The following CCSER1 variants were observed in gnomAD, a reference collection of about 807,000 sequenced individuals.
The protein encoded by CCSER1 is serine-rich coiled-coil domain-containing protein 1.
In CCSER1, 41 loss-of-function variants were observed where a neutral mutation model predicts 82.0. That is an observed-to-expected ratio of 0.50 (90% CI 0.39 to 0.65). The LOEUF (loss-of-function observed/expected upper bound fraction) is 0.65, where lower values mean the gene tolerates loss of function less well. CCSER1 is among the 30% of genes least tolerant of loss of function. The probability of loss-of-function intolerance (pLI) is 0.00; values close to 1 mark genes in which losing one functional copy is unlikely to be tolerated. For missense variants in CCSER1, 1,119 were observed against 1,064.2 expected (o/e 1.05, Z -0.72); for synonymous variants, 414 against 383.9 (o/e 1.08, Z -0.92).
chr4:90,208,816 G>A (rs552246815), intron 1 of CCSER1, among the ~76,000 whole-genome samples: 10 of 151,884 alleles, frequency 6.6e-5, no homozygotes, highest in East Asian at 1.9e-4. Context: ...GCTTCAGCTC[G>A]CCCTCCGTGG....
intron 6 of CCSER1, among the ~76,000 whole-genome samples, chr4:90,716,330 C>A (rs143335292): frequency 0.015 from 2,262 of 151,664 alleles, 59 homozygotes; most frequent in African/African-American, 0.052. Context: ...CTTTTATATC[C>A]AGGCATTTTT....
intron 10 of CCSER1, among the ~76,000 whole-genome samples, chr4:91,432,192 G>C (rs1358163129): frequency 6.6e-6 from 1 of 151,960 alleles, no homozygotes; most frequent in Non-Finnish European, 1.5e-5. Context: ...AGTTTCCTGA[G>C]GCCTCCCTAG....
intron 10 of CCSER1, among the ~76,000 whole-genome samples, chr4:91,548,069 G>A (rs1453794579): frequency 2.0e-5 from 3 of 152,112 alleles, no homozygotes; most frequent in African/African-American, 7.2e-5. Context: ...GATTACAGGC[G>A]TGAGCCACTG....
chr4:91,496,206 A>T (rs2110080073), intron 10 of CCSER1, among the ~76,000 whole-genome samples: 1 of 151,606 alleles, frequency 6.6e-6, no homozygotes, highest in South Asian at 2.1e-4. Context: ...GAGATGAAAC[A>T]AAATACAGTA....
chr4:91,172,949 C>T (rs577477405), intron 10 of CCSER1, among the ~76,000 whole-genome samples: 4 of 152,076 alleles, frequency 2.6e-5, no homozygotes, highest in Admixed American at 6.5e-5. Context: ...ATCTTTAAAT[C>T]TCCAGAATGC....
chr4:90,255,712 G>A (rs1723157313), intron 1 of CCSER1, among the ~76,000 whole-genome samples: 1 of 152,066 alleles, frequency 6.6e-6, no homozygotes, highest in Non-Finnish European at 1.5e-5. Flanking sequence ...TATAGTTGTT[G>A]CAATCATCCA....
intron 1 of CCSER1, among the ~76,000 whole-genome samples, chr4:90,252,251 C>A (rs1722530365): frequency 6.6e-6 from 1 of 151,878 alleles, no homozygotes. Flanking sequence ...TGCATAAAAA[C>A]TTTCAGATTC....
At chr4:91,260,355 C>T (rs1741010640) in intron 10 of CCSER1, among the ~76,000 whole-genome samples, 1 of 152,308 alleles carries the variant, frequency 6.6e-6, no homozygotes, top group Non-Finnish European at 1.5e-5. Flanking sequence ...AAGTGCTCCA[C>T]AGTACTTTCT....
chr4:91,196,440 G>A (rs1735443383), intron 10 of CCSER1, among the ~76,000 whole-genome samples: 1 of 152,000 alleles, frequency 6.6e-6, no homozygotes, highest in African/African-American at 2.4e-5. Context: ...AATTGAATTT[G>A]TTTCTTTAAA....
chr4:90,715,283 A>G (rs1377314759), intron 6 of CCSER1, among the ~76,000 whole-genome samples: 6 of 151,962 alleles, frequency 3.9e-5, no homozygotes, highest in Admixed American at 3.9e-4. Context: ...ACTCGTCCCT[A>G]TGTGAATTGA....
chr4:90,745,095 AGT>A (rs1293299852), intron 7 of CCSER1, among the ~76,000 whole-genome samples: 1 of 152,130 alleles, frequency 6.6e-6, no homozygotes, highest in Non-Finnish European at 1.5e-5. Context: ...GGAAGTCAGA[AGT>A]CAGCAATGGG....
chr4:91,117,395 C>T (rs17018037), intron 10 of CCSER1, among the ~76,000 whole-genome samples: 23,444 of 152,108 alleles, frequency 0.15, 2,113 homozygotes, highest in African/African-American at 0.22. Flanking sequence ...TAACTTTATG[C>T]CACACATTCC....
rs1412162000 is a variant in CCSER1, at chr4:91,131,984, T to C, written c.2217+45990T>C. 2.6e-5 allele frequency among the ~76,000 whole-genome samples: 4 copies of C among 151,944 alleles called. No individual in the cohort carries two copies. In the East Asian group the frequency reaches 7.7e-4, roughly 29 times the overall value. ...AATGAAGATGATAATATCTAGATTA[T>C]ATATTGTTTTAAAGATTAGAAAAGA... On this transcript the variant is annotated intron_variant, in intron 10 of 10. Coordinates refer to ENST00000509176, the MANE Select transcript of CCSER1 (RefSeq NM_001145065.2).
chr4:91,197,872 A>G lies in CCSER1; in HGVS notation c.2217+111878A>G, dbSNP rs149346157. Among the ~76,000 whole-genome samples the G allele has an allele frequency of 4.8e-3, 730 of 152,156 alleles. 4 individuals carry two copies. Among genetic ancestry groups the G allele is most frequent in the Non-Finnish European group, 6.6e-3 (452 of 67,984 alleles). Reference sequence around the variant, plus strand: ...ACTTTTCTCCTAGCTTGTAAAATTAATGAATGGAAATGCTATATCTTTTTT... The same window carrying G: ...ACTTTTCTCCTAGCTTGTAAAATTAGTGAATGGAAATGCTATATCTTTTTT... On this transcript the variant is annotated intron_variant, in intron 10 of 10. Coordinates refer to ENST00000509176, the MANE Select transcript of CCSER1 (RefSeq NM_001145065.2).
At chr4:91,132,903 A>C (rs1291494373) in intron 10 of CCSER1, among the ~76,000 whole-genome samples, 1 of 152,210 alleles carries the variant, frequency 6.6e-6, no homozygotes, top group Non-Finnish European at 1.5e-5. Context: ...GTCAACAAGC[A>C]ATATGAAATA....
At chr4:90,666,049 A>G (rs553517078) in intron 6 of CCSER1, among the ~76,000 whole-genome samples, 3 of 152,068 alleles carry the variant, frequency 2.0e-5, no homozygotes, top group South Asian at 2.1e-4. Context: ...TCCTTGTCAC[A>G]TGCCCCCCTC....
chr4:90,604,067 T>C (rs1358719577), intron 5 of CCSER1, among the ~76,000 whole-genome samples: 1 of 152,164 alleles, frequency 6.6e-6, no homozygotes, highest in Non-Finnish European at 1.5e-5. Flanking sequence ...GATTTTCCAA[T>C]TTAATTGTCA....
intron 5 of CCSER1, among the ~76,000 whole-genome samples, chr4:90,619,517 G>A (rs1306445545): frequency 1.3e-5 from 2 of 151,960 alleles, no homozygotes; most frequent in Non-Finnish European, 1.5e-5. Flanking sequence ...TGTAAGTTAC[G>A]AACAACTTCT....
At chr4:90,576,179 C>T (rs1355793000) in intron 5 of CCSER1, among the ~76,000 whole-genome samples, 1 of 151,926 alleles carries the variant, frequency 6.6e-6, no homozygotes, top group East Asian at 1.9e-4. Flanking sequence ...ATTTGATTGA[C>T]TTTTCAATAT....
Sources: allele counts gnomAD v4.1 joint callset (sites outside exome capture counted in the v4.1 genomes callset), GRCh38; gene constraint gnomAD v4.1.1; transcripts MANE v1.5; gene names NCBI Gene and HGNC (gene_info 2026-07-23, HGNC 2026-07-21).